The following ADCK1 variants were observed in gnomAD, a reference collection of about 807,000 sequenced individuals.
The protein encoded by ADCK1 is aarF domain-containing protein kinase 1.
In ADCK1, 41 loss-of-function variants were observed where a neutral mutation model predicts 52.3. The observed-to-expected ratio is 0.78, with a 90% CI of 0.61 to 1.02. The LOEUF is 1.02. Ranked by LOEUF, ADCK1 falls within the 50% of genes least tolerant of loss-of-function variation. ADCK1 has a pLI of 0.00. For missense variants in ADCK1, 658 were observed against 679.5 expected (o/e 0.97, Z 0.35); for synonymous variants, 250 against 274.6 (o/e 0.91, Z 0.89).
At chr14:77,906,514 G>A (rs948891359) in intron 6 of ADCK1, among the ~76,000 whole-genome samples, 2 of 152,176 alleles carry the variant, frequency 1.3e-5, no homozygotes, top group African/African-American at 4.8e-5. Context: ...GTGTATGTTA[G>A]TAATGCATTT....
chr14:77,872,531 AC>A (rs1239566523), intron 4 of ADCK1, among the ~76,000 whole-genome samples: 1 of 149,638 alleles, frequency 6.7e-6, no homozygotes, highest in Non-Finnish European at 1.5e-5. Context: ...TCCCTGTCTT[AC>A]CCCTGGGAAA....
chr14:77,816,395 C>T (rs1208195361), intron 1 of ADCK1, among the ~76,000 whole-genome samples: 1 of 149,714 alleles, frequency 6.7e-6, no homozygotes, highest in Non-Finnish European at 1.5e-5. Context: ...TGCCCCAAGG[C>T]AGGATCGTGG....
At chr14:77,862,073 G>A (rs1016125310) in intron 4 of ADCK1, among the ~76,000 whole-genome samples, 6 of 152,168 alleles carry the variant, frequency 3.9e-5, no homozygotes, top group East Asian at 1.9e-4. Context: ...CTGGTGATTC[G>A]TCCCCTACAT....
rs140641427 is a variant in ADCK1 at position 77,922,267 on chromosome 14, A to G, written c.859-2190A>G. Among the ~76,000 whole-genome samples, 591 of 152,294 alleles carry G rather than the reference A, an allele frequency of 3.9e-3. 4 individuals carry two copies. The highest frequency in any genetic ancestry group is 0.013 in the African/African-American group (549 of 41,558). On this transcript the variant is annotated intron_variant, in intron 7 of 10. Coordinates refer to ENST00000238561, the MANE Select transcript of ADCK1 (RefSeq NM_020421.4). ...CAGTGGTGGCCCTGGGGCATCTGGC[A>G]TCTCAGCCTGAGTCTGAGAACTTGA...
chr14:77,827,367 AAAAAG>A (rs1298128008), intron 3 of ADCK1, among the ~76,000 whole-genome samples: 1 of 150,984 alleles, frequency 6.6e-6, no homozygotes, highest in African/African-American at 2.4e-5. Context: ...AAAAAAAAAA[AAAAAG>A]AAATGCATAA....
chr14:77,901,739 A>C (rs1280311872), intron 6 of ADCK1, among the ~76,000 whole-genome samples: 1 of 152,220 alleles, frequency 6.6e-6, no homozygotes, highest in African/African-American at 2.4e-5. Context: ...GCACACAGGA[A>C]CTGGGGAGAG....
intron 4 of ADCK1, among the ~76,000 whole-genome samples, chr14:77,862,872 G>T (rs1186443582): frequency 1.3e-5 from 2 of 152,220 alleles, no homozygotes; most frequent in African/African-American, 4.8e-5. Context: ...CAACGAGCTT[G>T]CAGAGGAGAG....
At chr14:77,910,421 A>G (rs779199704) in intron 7 of ADCK1, among the ~76,000 whole-genome samples, 1 of 152,106 alleles carries the variant, frequency 6.6e-6, no homozygotes. Context: ...GAGGTGTTCA[A>G]GCAGAATACA....
chr14:77,826,406 A>G (rs1390563574), intron 3 of ADCK1, among the ~76,000 whole-genome samples: 1 of 152,154 alleles, frequency 6.6e-6, no homozygotes, highest in East Asian at 1.9e-4. Flanking sequence ...AGCACTTTCA[A>G]GGTTGGCGCA....
intron 1 of ADCK1, among the ~76,000 whole-genome samples, chr14:77,812,004 G>A (rs1284143294): frequency 6.6e-6 from 1 of 152,152 alleles, no homozygotes; most frequent in South Asian, 2.1e-4. Flanking sequence ...CTTTATTGAG[G>A]TGTAATTGAC....
chr14:77,894,013 G>T (rs186264615), intron 5 of ADCK1, among the ~76,000 whole-genome samples: 2 of 152,280 alleles, frequency 1.3e-5, no homozygotes, highest in Non-Finnish European at 2.9e-5. Flanking sequence ...GATTACAGGC[G>T]TGAGCCACCG....
At position 77,934,435 on chromosome 14, in the gene ADCK1, C is replaced by T. The variant is rs959003217; in HGVS notation, c.*1044C>T. The T allele has an allele frequency of 4.6e-5, 7 of 152,170 alleles. No individual in the cohort carries two copies. The highest frequency in any genetic ancestry group is 1.7e-4 in the African/African-American group (7 of 41,414). 9.4% of individuals were successfully genotyped at this position (152,170 alleles called of 1,614,324 possible). On this transcript the variant is annotated 3_prime_UTR_variant, in exon 11 of 11. Coordinates refer to ENST00000238561, the MANE Select transcript of ADCK1 (RefSeq NM_020421.4). The stretch of plus-strand genomic sequence containing the variant: ...TTTCCTGACTTATCCCTTTGGTTCT[C>T]ATTCAGTGGCCCCAGTTTTAGGCCT...
At chr14:77,822,391 TA>T in intron 2 of ADCK1, 43 bp from the exon 3 acceptor site, 1 of 1,508,062 alleles carries the variant, frequency 6.6e-7, no homozygotes, top group Non-Finnish European at 9.2e-7. Flanking sequence ...TAGTAGTACT[TA>T]ATGTCCAGGT....
Position 77,899,172 on chromosome 14 carries a change from A to G in ADCK1, c.655A>G (p.Asn219Asp), listed in dbSNP as rs759584765. Residue 219 changes from asparagine (N) to aspartate (D), a missense_variant, in exon 6 of 11, where the codon AAC (asparagine) becomes GAC (aspartate). Coordinates refer to ENST00000238561, the MANE Select transcript of ADCK1 (RefSeq NM_020421.4). The part of the protein sequence containing the change: ...FMWLVDEAKK[N>D]LPLELDFLNE... The stretch of plus-strand genomic sequence containing the variant: ...GTGGCTTGTGGATGAAGCCAAGAAG[A>G]ACCTGCCTTTGGAGCTGGATTTCCT... 1 of 1,614,170 alleles carries G rather than the reference A, an allele frequency of 6.2e-7. No homozygotes were observed. The highest frequency in any genetic ancestry group is 8.5e-7 in the Non-Finnish European group (1 of 1,180,026).
chr14:77,905,351 C>T (rs895023042), intron 6 of ADCK1, among the ~76,000 whole-genome samples: 1 of 132,828 alleles, frequency 7.5e-6, no homozygotes, highest in Non-Finnish European at 1.6e-5. Flanking sequence ...CCCTCTGTCA[C>T]CGTGGCTGGA....
chr14:77,903,281 G>C (rs1403849744), intron 6 of ADCK1, among the ~76,000 whole-genome samples: 1 of 152,208 alleles, frequency 6.6e-6, no homozygotes, highest in Non-Finnish European at 1.5e-5. Flanking sequence ...ATTTTGCACT[G>C]TGAACCCAGT....
intron 2 of ADCK1, 50 bp from the exon 3 acceptor site, chr14:77,822,385 A>G (rs776893994): frequency 6.9e-7 from 1 of 1,454,954 alleles, no homozygotes; most frequent in Non-Finnish European, 9.7e-7. Context: ...GCAGAGTAGT[A>G]GTACTTAATG....
chr14:77,832,653 T>C (rs1301781296), intron 3 of ADCK1, among the ~76,000 whole-genome samples: 3 of 152,188 alleles, frequency 2.0e-5, no homozygotes, highest in African/African-American at 7.2e-5. Flanking sequence ...AGTTAACAAA[T>C]ATTTAGCATT....
chr14:77,857,755 C>A (rs111319186), intron 3 of ADCK1, among the ~76,000 whole-genome samples: 44 of 152,270 alleles, frequency 2.9e-4, no homozygotes, highest in African/African-American at 9.6e-4. Flanking sequence ...ATTTTATGGC[C>A]CCCAATATGT....
Sources: allele counts gnomAD v4.1 joint callset (sites outside exome capture counted in the v4.1 genomes callset), GRCh38; gene constraint gnomAD v4.1.1; transcripts MANE v1.5; gene names NCBI Gene and HGNC (gene_info 2026-07-23, HGNC 2026-07-21).